CNNM2: variants seen among roughly 807,000 people sequenced by gnomAD.
The protein encoded by CNNM2 is metal transporter CNNM2.
In CNNM2, 12 loss-of-function variants were observed where a neutral mutation model predicts 66.9. That is an observed-to-expected ratio of 0.18 (90% CI 0.11 to 0.29). The LOEUF (loss-of-function observed/expected upper bound fraction) is 0.29. CNNM2 is among the 10% of genes least tolerant of loss of function. The pLI is 1.00. For synonymous variants in CNNM2, 557 were observed against 501.8 expected, an observed-to-expected ratio of 1.11 and a Z score of -1.47; for missense variants, 705 against 1,167.7, an observed-to-expected ratio of 0.60 and a Z score of 5.77.
At chr10:102,990,718 T>C (rs1305227438) in intron 1 of CNNM2, among the ~76,000 whole-genome samples, 1 of 152,224 alleles carries the variant, frequency 6.6e-6, no homozygotes, top group Non-Finnish European at 1.5e-5. Flanking sequence ...AAGCGATCTT[T>C]AATGCAATTT....
At chr10:102,992,155 A>C (rs1590360597) in intron 1 of CNNM2, among the ~76,000 whole-genome samples, 2 of 152,246 alleles carry the variant, frequency 1.3e-5, no homozygotes, top group Admixed American at 6.6e-5. Context: ...GAGTACAGGA[A>C]TCACATACTT....
chr10:103,042,329 G>A (rs532659296), intron 1 of CNNM2, among the ~76,000 whole-genome samples: 6 of 152,034 alleles, frequency 3.9e-5, no homozygotes, highest in African/African-American at 7.2e-5. Context: ...GGGTTTCCCC[G>A]CCTCAGCCCT....
Position 103,077,383 on chromosome 10 carries a change from C to T in CNNM2, c.*203C>T. The T allele has an allele frequency of 1.8e-6, 1 of 542,062 alleles. No individual in the cohort carries two copies. The highest frequency in any genetic ancestry group is 3.3e-6 in the Non-Finnish European group (1 of 306,582). 33.6% of individuals were successfully genotyped at this position (542,062 alleles called of 1,614,324 possible). On this transcript the variant is annotated 3_prime_UTR_variant, in exon 8 of 8. Transcript: ENST00000369878. ...GAAACGAGAGATGTGAAGTTGGCAGCCGGGGCATGGCGTTCAAGATTTTGG... is the reference window on the plus strand; with the variant it reads ...GAAACGAGAGATGTGAAGTTGGCAGTCGGGGCATGGCGTTCAAGATTTTGG...
intron 1 of CNNM2, among the ~76,000 whole-genome samples, chr10:103,017,963 C>CAAAAAAAAAAAAAAAAAAAAAAAAAAA (rs59984156): frequency 1.3e-5 from 1 of 78,882 alleles, no homozygotes; most frequent in Non-Finnish European, 2.4e-5. Context: ...GAATCTGTCT[C>CAAAAAAAAAAAAAAAAAAAAAAAAAAA]AAAAAAAAAA....
intron 1 of CNNM2, among the ~76,000 whole-genome samples, chr10:102,941,166 C>T (rs1468229628): frequency 1.3e-5 from 2 of 152,312 alleles, no homozygotes; most frequent in East Asian, 1.9e-4. Context: ...ATCAAGCATA[C>T]CTCTGCCAGG....
intron 1 of CNNM2, among the ~76,000 whole-genome samples, chr10:103,003,806 A>G (rs889517011): frequency 1.3e-5 from 2 of 151,762 alleles, no homozygotes; most frequent in African/African-American, 4.8e-5. Flanking sequence ...TAGTTACTGT[A>G]TCCCCCCGGG....
rs2065883354 is a variant in CNNM2, at chr10:103,087,953, CACTT to C, written c.*10774_*10777del. The C allele has an allele frequency of 6.6e-6, 1 of 152,220 alleles. No homozygotes were observed. Among genetic ancestry groups the C allele is most frequent in the Non-Finnish European group, 1.5e-5 (1 of 68,030 alleles). 9.4% of individuals were successfully genotyped at this position (152,220 alleles called of 1,614,324 possible). ...TATAAAATAATTTTTTAAAAAGCCT[CACTT>C]CACAGTCCTGTTCCAAAAATCTTTC... On this transcript the variant is annotated 3_prime_UTR_variant, in exon 8 of 8. Transcript: ENST00000369878.
chr10:103,080,768 A>C lies in CNNM2; in HGVS notation c.*3588A>C, dbSNP rs1271569902. 6.6e-6 allele frequency: 1 copy of C among 152,256 alleles called. No individual in the cohort carries two copies. The highest frequency in any genetic ancestry group is 2.4e-5 in the African/African-American group (1 of 41,470). 9.4% of individuals were successfully genotyped at this position (152,256 alleles called of 1,614,324 possible). A position where few individuals can be genotyped will look rare whatever the true frequency, so the allele number is the denominator to read the frequency against. On this transcript the variant is annotated 3_prime_UTR_variant, in exon 8 of 8. Transcript: ENST00000369878. The stretch of plus-strand genomic sequence containing the variant: ...TCCAAGCCTAGGAAAATAATGGTAG[A>C]TACAAATAGAAATACATTTTCCCTA...
intron 1 of CNNM2, among the ~76,000 whole-genome samples, chr10:102,941,753 G>T (rs1401260451): frequency 6.6e-6 from 1 of 152,050 alleles, no homozygotes; most frequent in Admixed American, 6.6e-5. Context: ...TTTCTCCTTA[G>T]CCCTCTACTG....
At position 103,088,989 on chromosome 10, in the gene CNNM2, T is replaced by C; in HGVS notation, c.*11809T>C. On this transcript the variant is annotated 3_prime_UTR_variant, in exon 8 of 8. Coordinates refer to ENST00000369878, the MANE Select transcript of CNNM2 (RefSeq NM_017649.5). The stretch of plus-strand genomic sequence containing the variant: ...TTATCACAGATAAGAAGGAGGTTGT[T>C]TTTGGATAACAAATAAGCATTTGTG... The C allele has an allele frequency of 4.8e-6, 1 of 209,656 alleles. No individual in the cohort carries two copies. Among genetic ancestry groups the C allele is most frequent in the Non-Finnish European group, 9.7e-6 (1 of 103,092 alleles). 13.0% of individuals were successfully genotyped at this position (209,656 alleles called of 1,614,324 possible).
intron 1 of CNNM2, among the ~76,000 whole-genome samples, chr10:102,964,867 G>T (rs1421797563): frequency 6.6e-6 from 1 of 152,118 alleles, no homozygotes; most frequent in Non-Finnish European, 1.5e-5. Flanking sequence ...AAGCGAGGGG[G>T]TTGCCTTTAA....
In CNNM2 at chr10:103,049,817, A is replaced by T; in HGVS notation, c.1732A>T (p.Lys578Ter). 6.2e-7 allele frequency: 1 copy of T among 1,613,946 alleles called. No homozygotes were observed. The highest frequency in any genetic ancestry group is 8.5e-7 in the Non-Finnish European group (1 of 1,179,834). The change falls in exon 2 of 8, where the codon AAA becomes TAA. Residue 578 changes from lysine (K) to a stop codon, truncating the protein, a stop_gained. Coordinates refer to ENST00000369878, the MANE Select transcript of CNNM2 (RefSeq NM_017649.5). LOFTEE classifies it high-confidence loss of function. ...AGAAGATGTGATTGAAGAAATCATC[A>T]AATCTGAGATTCTTGATGAAACAGA... ...TLEDVIEEII[K>*]SEILDETDLY...
At chr10:102,996,028 T>A (rs141746198) in intron 1 of CNNM2, among the ~76,000 whole-genome samples, 14 of 152,278 alleles carry the variant, frequency 9.2e-5, no homozygotes, top group Non-Finnish European at 2.1e-4. Flanking sequence ...AAGGAATTGG[T>A]CCATTTTATC....
chr10:102,945,027 C>T (rs1183019055), intron 1 of CNNM2, among the ~76,000 whole-genome samples: 1 of 150,966 alleles, frequency 6.6e-6, no homozygotes, highest in Non-Finnish European at 1.5e-5. Context: ...ACCTTCTTCC[C>T]TTAATAATTA....
chr10:103,068,659 G>A lies in CNNM2; in HGVS notation c.2104G>A (p.Gly702Ser). Residue 702 changes from glycine to serine, a missense_variant, in exon 5 of 8, where the codon GGT (glycine) becomes AGT (serine). Gly to Ser is a moderately conservative substitution (Grantham distance 56). Coordinates refer to ENST00000369878, the MANE Select transcript of CNNM2 (RefSeq NM_017649.5). Reference protein sequence around the residue: ...GKVEVEAGKEGMKFEASAFSY... With the variant: ...GKVEVEAGKESMKFEASAFSY... ...AGTGGAAGTTGAAGCTGGGAAAGAA[G>A]GTATGAAGTTTGAAGCGAGCGCCTT... 1.2e-6 allele frequency: 2 copies of A among 1,613,070 alleles called. No homozygotes were observed. Among genetic ancestry groups the A allele is most frequent in the South Asian group, 2.2e-5 (2 of 90,664 alleles).
intron 1 of CNNM2, among the ~76,000 whole-genome samples, chr10:103,041,994 T>C (rs777437829): frequency 1.3e-5 from 2 of 152,224 alleles, no homozygotes; most frequent in Non-Finnish European, 2.9e-5. Flanking sequence ...TCTCTCTCTC[T>C]TGAATTCTGG....
At chr10:103,044,734 A>G (rs904673060) in intron 1 of CNNM2, among the ~76,000 whole-genome samples, 1 of 152,164 alleles carries the variant, frequency 6.6e-6, no homozygotes, top group African/African-American at 2.4e-5. Flanking sequence ...GTTTCAGAAA[A>G]CAGGACTTCT....
rs1221196453 is a variant in CNNM2 at position 103,076,994 on chromosome 10, T to C, written c.2442T>C (p.Asn814=). ...AGATCTCAAGACAGCAATACCAAAA[T>C]GCCTTGATGGCATCCCGGATGGACA... The part of the protein sequence containing the change: ...FVKISRQQYQ[N]ALMASRMDKT... The change falls in exon 8 of 8, where the codon AAT becomes AAC. Residue 814 remains asparagine, a synonymous_variant. Coordinates refer to ENST00000369878, the MANE Select transcript of CNNM2 (RefSeq NM_017649.5). The C allele has an allele frequency of 6.2e-7, 1 of 1,613,934 alleles. No individual in the cohort carries two copies. Among genetic ancestry groups the C allele is most frequent in the Non-Finnish European group, 8.5e-7 (1 of 1,179,890 alleles).
intron 1 of CNNM2, among the ~76,000 whole-genome samples, chr10:103,029,464 A>T (rs1461760736): frequency 6.6e-6 from 1 of 151,842 alleles, no homozygotes; most frequent in Non-Finnish European, 1.5e-5. Context: ...ACTCCGTCTC[A>T]AAATAAATAA....
Sources: allele counts gnomAD v4.1 joint callset (sites outside exome capture counted in the v4.1 genomes callset), GRCh38; gene constraint gnomAD v4.1.1; transcripts MANE v1.5; gene names NCBI Gene and HGNC (gene_info 2026-07-23, HGNC 2026-07-21).